The following MEAF6 variants were observed in gnomAD, a reference collection of about 807,000 sequenced individuals.
MEAF6 encodes MYST/Esa1 associated factor 6, also known as chromatin modification-related protein MEAF6.
In MEAF6, 15 loss-of-function variants were observed where a neutral mutation model predicts 28.9. The observed-to-expected ratio is 0.52, with a 90% CI of 0.35 to 0.80. The LOEUF is 0.80. Ranked by LOEUF, MEAF6 falls within the 30% of genes least tolerant of loss-of-function variation. MEAF6 has a pLI of 0.01. For synonymous variants in MEAF6, 97 were observed against 88.7 expected (o/e 1.09, Z -0.53); for missense variants, 178 against 237.5 (o/e 0.75, Z 1.65).
rs144758021 is a variant in MEAF6 at position 37,508,589 on chromosome 1, T to C, written c.340+689A>G. Among the ~76,000 whole-genome samples, 704 of 152,224 alleles carry C rather than the reference T, an allele frequency of 4.6e-3. 4 individuals carry two copies. Among genetic ancestry groups the C allele is most frequent in the African/African-American group, 0.016 (658 of 41,538 alleles). Reference sequence around the variant, plus strand: ...TGTGAGCCACTGCACTGGGCCAAGATGAACATTTTCTAAGAATTATTAAAT... The same window carrying C: ...TGTGAGCCACTGCACTGGGCCAAGACGAACATTTTCTAAGAATTATTAAAT... On this transcript the variant is annotated intron_variant, in intron 4 of 6. Coordinates refer to ENST00000296214, the MANE Select transcript of MEAF6 (RefSeq NM_001270875.3).
At position 37,510,148 on chromosome 1, in the gene MEAF6, C is replaced by A. The variant is rs898127564; in HGVS notation, c.207-606G>T. Among the ~76,000 whole-genome samples the A allele has an allele frequency of 2.6e-4, 39 of 150,510 alleles. 1 individual carries two copies. Among genetic ancestry groups the A allele is most frequent in the Admixed American group, 2.0e-3 (30 of 15,032 alleles). On this transcript the variant is annotated intron_variant, in intron 2 of 6. Transcript: ENST00000296214. Reference sequence around the variant, plus strand: ...GCTGCAGTACAATGGGAAATCTCAGCTCGCTGCAACCTCTACCTCCCAGGT... The same window carrying A: ...GCTGCAGTACAATGGGAAATCTCAGATCGCTGCAACCTCTACCTCCCAGGT...
intron 4 of MEAF6, among the ~76,000 whole-genome samples, chr1:37,506,322 T>C (rs1336435578): frequency 6.6e-6 from 1 of 151,652 alleles, no homozygotes; most frequent in Non-Finnish European, 1.5e-5. Flanking sequence ...TTCTCAGATA[T>C]GACCAAAAAA....
intron 6 of MEAF6, among the ~76,000 whole-genome samples, chr1:37,495,048 T>C (rs1322928347): frequency 1.3e-5 from 2 of 151,590 alleles, no homozygotes; most frequent in East Asian, 1.9e-4. Flanking sequence ...AAAATGTATG[T>C]GACCGGCCGG....
chr1:37,508,292 T>C (rs1260372385), intron 4 of MEAF6, among the ~76,000 whole-genome samples: 1 of 142,866 alleles, frequency 7.0e-6, no homozygotes, highest in Non-Finnish European at 1.5e-5. Flanking sequence ...TTTTTTTTTT[T>C]TTTTTTTTGG....
In MEAF6 at chr1:37,493,751, A is replaced by T. The variant is rs1642016561; in HGVS notation, c.*348T>A. On this transcript the variant is annotated 3_prime_UTR_variant, in exon 7 of 7. Coordinates refer to ENST00000296214, the MANE Select transcript of MEAF6 (RefSeq NM_001270875.3). The stretch of plus-strand genomic sequence containing the variant: ...CTTTCAGCATAAAACAAAACCAGAG[A>T]ACATTTCTTGAAGGGTATCACAGAT... 6.5e-7 allele frequency: 1 copy of T among 1,541,380 alleles called. No homozygotes were observed. Among genetic ancestry groups the T allele is most frequent in the African/African-American group, 1.4e-5 (1 of 72,868 alleles).
chr1:37,502,301 C>T (rs563416129), intron 4 of MEAF6, among the ~76,000 whole-genome samples: 19 of 152,316 alleles, frequency 1.2e-4, no homozygotes, highest in South Asian at 8.3e-4. Flanking sequence ...GTCTTGAACA[C>T]TTGGCCTCAA....
rs1447871431 is a variant in MEAF6, at chr1:37,490,346, T to G, written c.*3753A>C. ...GACAATTCAGACAAGGTAATGCTCA[T>G]TTAGACTGACACAGGTATGAAAATT... On this transcript the variant is annotated 3_prime_UTR_variant, in exon 7 of 7. Transcript: ENST00000296214. Among the ~76,000 whole-genome samples the G allele has an allele frequency of 6.6e-6, 1 of 152,164 alleles. No homozygotes were observed. The highest frequency in any genetic ancestry group is 1.5e-5 in the Non-Finnish European group (1 of 68,036).
chr1:37,500,714 AC>A (rs2148069549), intron 5 of MEAF6, among the ~76,000 whole-genome samples: 1 of 152,314 alleles, frequency 6.6e-6, no homozygotes, highest in Admixed American at 6.5e-5. Flanking sequence ...ATCCTACATT[AC>A]CCCCAGGCAC....
rs549881185 is a variant in MEAF6 at position 37,514,540 on chromosome 1, C to T, written c.90+117G>A. ...ACCCGGCCTCAGGCCGCCGAGCACC[C>T]GGCCCGCCGCGCCGCGCCCCCGGAG... On this transcript the variant is annotated intron_variant, in intron 1 of 6. Coordinates refer to ENST00000296214, the MANE Select transcript of MEAF6 (RefSeq NM_001270875.3). The T allele has an allele frequency of 1.8e-3, 1,291 of 699,854 alleles. 4 individuals carry two copies. The highest frequency in any genetic ancestry group is 2.5e-3 in the Non-Finnish European group (1,226 of 495,792). 43.4% of individuals were successfully genotyped at this position (699,854 alleles called of 1,614,324 possible).
intron 4 of MEAF6, among the ~76,000 whole-genome samples, chr1:37,507,635 C>T (rs919211111): frequency 1.3e-5 from 2 of 152,022 alleles, no homozygotes; most frequent in Non-Finnish European, 1.5e-5. Context: ...CAGAACAATT[C>T]TGTTTTAGAT....
intron 5 of MEAF6, among the ~76,000 whole-genome samples, chr1:37,496,168 C>T (rs2148062426): frequency 6.6e-6 from 1 of 152,270 alleles, no homozygotes; most frequent in Non-Finnish European, 1.5e-5. Flanking sequence ...ACAGCAGCTA[C>T]AAAAGCCATA....
chr1:37,500,309 A>T lies in MEAF6; in HGVS notation c.533+1495T>A, dbSNP rs560417629. Reference sequence around the variant, plus strand: ...GACTGTCTGAAAAAAATAAAAAATTAAAAAAAAATGACACTGGAGTAAATT... The same window carrying T: ...GACTGTCTGAAAAAAATAAAAAATTTAAAAAAAATGACACTGGAGTAAATT... On this transcript the variant is annotated intron_variant, in intron 5 of 6. Transcript: ENST00000296214. Among the ~76,000 whole-genome samples the T allele has an allele frequency of 2.4e-4, 36 of 148,842 alleles. No individual in the cohort carries two copies. In the East Asian group the frequency reaches 4.5e-3, roughly 18 times the overall value.
intron 5 of MEAF6, among the ~76,000 whole-genome samples, chr1:37,497,143 T>C (rs1254056789): frequency 6.6e-6 from 1 of 152,226 alleles, no homozygotes; most frequent in Non-Finnish European, 1.5e-5. Flanking sequence ...CAGCATAATA[T>C]ACTTTCACTA....
At chr1:37,495,704 C>CAAAAAAAAAA (rs1217893546) in intron 6 of MEAF6, among the ~76,000 whole-genome samples, 181 bp downstream of exon 6, 2 of 64,464 alleles carry the variant, frequency 3.1e-5, no homozygotes, top group South Asian at 4.2e-4. Context: ...AAACAAAAAA[C>CAAAAAAAAAA]AAAAAAAAAA....
Position 37,509,525 on chromosome 1 carries a change from T to C in MEAF6, c.224A>G (p.Asn75Ser). 6.2e-7 allele frequency: 1 copy of C among 1,613,982 alleles called. No homozygotes were observed. The highest frequency in any genetic ancestry group is 1.1e-5 in the South Asian group (1 of 91,056). ...LTNQKNSNSK[N>S]DRRNRKFKEA... The stretch of plus-strand genomic sequence containing the variant: ...CTTAAACTTCCGGTTCCTTCGATCA[T>C]TTTTGCTATTGGAGTTTCTAAAACA... Residue 75 changes from asparagine to serine, a missense_variant, in exon 3 of 7, where the codon AAT becomes AGT. By Grantham distance (46) the Asn-to-Ser change is conservative (BLOSUM62 1). Around this residue, in one of 2 missense-constraint regions of MEAF6, gnomAD observed 124 missense variants for 200.5 expected, o/e 0.62. Transcript: ENST00000296214.
chr1:37,513,844 C>T (rs1461340378), intron 1 of MEAF6: 3 of 453,146 alleles, frequency 6.6e-6, no homozygotes, highest in African/African-American at 3.9e-5. Context: ...TAACGCAGAA[C>T]TTGGGCGATG....
intron 1 of MEAF6, chr1:37,514,453 C>G (rs1642773459): frequency 2.9e-6 from 1 of 346,718 alleles, no homozygotes; most frequent in Non-Finnish European, 5.2e-6. Flanking sequence ...GCTCCCGGCT[C>G]TCTCCCGGCT....
At position 37,491,915 on chromosome 1, in the gene MEAF6, CTT is replaced by C. The variant is rs1168160086; in HGVS notation, c.*2182_*2183del. 7.5e-5 allele frequency among the ~76,000 whole-genome samples: 10 copies of C among 132,724 alleles called. No homozygotes were observed. Among genetic ancestry groups the C allele is most frequent in the South Asian group, 2.4e-4 (1 of 4,150 alleles). The allele number at this position is 132,724 out of a possible 152,430, so 87.1% of individuals were successfully genotyped here. A position where few individuals can be genotyped will look rare whatever the true frequency, so the allele number is the denominator to read the frequency against. Reference sequence around the variant, plus strand: ...CTTTTTAAGAGCAGTACTATTCTTTCTTTTTTTTTTTTTTTTTGACAGAGTCT... The same window carrying C: ...CTTTTTAAGAGCAGTACTATTCTTTCTTTTTTTTTTTTTTTGACAGAGTCT... On this transcript the variant is annotated 3_prime_UTR_variant, in exon 7 of 7. Transcript: ENST00000296214.
chr1:37,500,211 G>A (rs1235286270), intron 5 of MEAF6, among the ~76,000 whole-genome samples: 3 of 152,032 alleles, frequency 2.0e-5, no homozygotes, highest in Non-Finnish European at 4.4e-5. Context: ...CAGGAGAATC[G>A]TTTGAACCCA....
Sources: allele counts gnomAD v4.1 joint callset (sites outside exome capture counted in the v4.1 genomes callset), GRCh38; gene constraint gnomAD v4.1.1; regional missense constraint gnomAD v4.1.1; transcripts MANE v1.5; gene names NCBI Gene and HGNC (gene_info 2026-07-23, HGNC 2026-07-21).